Variants in CTNNA3 observed in about 807,000 individuals in gnomAD.
CTNNA3 encodes catenin alpha-3.
Under a neutral mutation model 95.7 loss-of-function variants are expected in CTNNA3, and 76 were observed. That is an observed-to-expected ratio of 0.79 (90% CI 0.66 to 0.96). The LOEUF (loss-of-function observed/expected upper bound fraction) is 0.96, where lower values mean the gene tolerates loss of function less well. CTNNA3 is among the 40% of genes least tolerant of loss of function. The pLI is 0.00. For missense variants in CTNNA3, 1,191 were observed against 1,089.8 expected, an observed-to-expected ratio of 1.09 and a Z score of -1.31; for synonymous variants, 431 against 374.4, an observed-to-expected ratio of 1.15 and a Z score of -1.74.
chr10:66,184,465 C>T (rs2086224870), intron 13 of CTNNA3, among the ~76,000 whole-genome samples: 1 of 152,136 alleles, frequency 6.6e-6, no homozygotes, highest in African/African-American at 2.4e-5. Context: ...AATCTAGAAT[C>T]TACTGTTGTA....
chr10:66,652,118 A>C (rs1173795216), intron 9 of CTNNA3, among the ~76,000 whole-genome samples: 1 of 135,162 alleles, frequency 7.4e-6, no homozygotes, highest in Non-Finnish European at 1.6e-5. Flanking sequence ...AAAAAAAAAA[A>C]ACTAAGCCCA....
intron 15 of CTNNA3, among the ~76,000 whole-genome samples, chr10:66,036,461 T>C (rs1993847): frequency 0.78 from 117,915 of 152,078 alleles, 46,181 homozygotes; most frequent in South Asian, 0.91. Context: ...GCAGCCTCTG[T>C]CTCCTGGGTT....
intron 7 of CTNNA3, among the ~76,000 whole-genome samples, chr10:67,133,325 T>TATATATATATATATATATATATTTA (rs1860120432): frequency 2.5e-5 from 1 of 39,314 alleles, no homozygotes; most frequent in Non-Finnish European, 4.4e-5. Flanking sequence ...ATATATATAT[T>TATATATATATATATATATATATTTA]TATACACACA....
intron 7 of CTNNA3, among the ~76,000 whole-genome samples, chr10:66,843,476 A>C (rs879584986): frequency 6.6e-6 from 1 of 152,200 alleles, no homozygotes; most frequent in Non-Finnish European, 1.5e-5. Flanking sequence ...ATCATCACTC[A>C]AACAGATGAT....
chr10:67,446,974 G>A (rs1007508468), intron 5 of CTNNA3, among the ~76,000 whole-genome samples: 33 of 152,190 alleles, frequency 2.2e-4, no homozygotes, highest in African/African-American at 7.2e-4. Flanking sequence ...GCGTGGTGGC[G>A]GGCGCCTGTA....
chr10:66,451,261 T>A (rs1441371646), intron 11 of CTNNA3, among the ~76,000 whole-genome samples: 1 of 152,176 alleles, frequency 6.6e-6, no homozygotes, highest in Non-Finnish European at 1.5e-5. Flanking sequence ...TAGTGAACAG[T>A]TACTATGTGC....
At chr10:66,524,017 T>C (rs543413746) in intron 10 of CTNNA3, among the ~76,000 whole-genome samples, 7 of 152,272 alleles carry the variant, frequency 4.6e-5, no homozygotes, top group Middle Eastern at 3.4e-3. Context: ...GCCACAGTTT[T>C]AAGCTCCATT....
At chr10:67,051,818 C>A (rs1465886671) in intron 7 of CTNNA3, among the ~76,000 whole-genome samples, 1 of 150,572 alleles carries the variant, frequency 6.6e-6, no homozygotes, top group African/African-American at 2.5e-5. Flanking sequence ...GCAGTGGCAC[C>A]ATCTCGGCTC....
chr10:66,844,776 A>G (rs1274012833), intron 7 of CTNNA3, among the ~76,000 whole-genome samples: 3 of 152,186 alleles, frequency 2.0e-5, no homozygotes, highest in Non-Finnish European at 2.9e-5. Context: ...CTGGTAGTAG[A>G]ACAGGGACTA....
chr10:66,306,378 T>C (rs568132738), intron 12 of CTNNA3, among the ~76,000 whole-genome samples: 65 of 152,326 alleles, frequency 4.3e-4, no homozygotes, highest in African/African-American at 1.5e-3. Flanking sequence ...GCCACAAATT[T>C]ATAGTATCTT....
chr10:66,009,300 G>C (rs1313246137), intron 15 of CTNNA3, among the ~76,000 whole-genome samples: 5 of 152,040 alleles, frequency 3.3e-5, no homozygotes, highest in Non-Finnish European at 7.4e-5. Context: ...TTAATCCATA[G>C]TTTATTTTAT....
chr10:66,233,823 G>A (rs2089717977), intron 13 of CTNNA3, among the ~76,000 whole-genome samples: 2 of 151,924 alleles, frequency 1.3e-5, no homozygotes, highest in African/African-American at 4.8e-5. Context: ...AATTGAAAAT[G>A]TACTTAAATG....
At chr10:65,955,481 T>C (rs1412392338) in intron 17 of CTNNA3, among the ~76,000 whole-genome samples, 3 of 152,220 alleles carry the variant, frequency 2.0e-5, no homozygotes, top group African/African-American at 7.2e-5. Flanking sequence ...TCAAAGGGAA[T>C]GCTTCCAGTT....
intron 5 of CTNNA3, among the ~76,000 whole-genome samples, chr10:67,232,685 T>A (rs1283429625): frequency 1.3e-5 from 2 of 151,578 alleles, no homozygotes; most frequent in Non-Finnish European, 2.9e-5. Flanking sequence ...GTAAATGGAC[T>A]AAATGCTCCA....
rs553269299 is a variant in CTNNA3 at position 67,514,331 on chromosome 10, G to T, written c.579+7511C>A. Among the ~76,000 whole-genome samples the T allele has an allele frequency of 2.8e-3, 428 of 152,070 alleles. 4 individuals are homozygous for T. The highest frequency in any genetic ancestry group is 2.5e-3 in the Non-Finnish European group (167 of 67,968). On this transcript the variant is annotated intron_variant, in intron 5 of 17. Coordinates refer to ENST00000433211, the MANE Select transcript of CTNNA3 (RefSeq NM_013266.4). ...AAAATAAAATAAAATAAAACAGTTA[G>T]GTTAGATGAATTCTAAAGATTCTTT...
chr10:66,854,743 A>ATT (rs34752190), intron 7 of CTNNA3, among the ~76,000 whole-genome samples: 216 of 147,956 alleles, frequency 1.5e-3, no homozygotes, highest in African/African-American at 2.9e-3. Context: ...AGAAAATGTC[A>ATT]TTTTTTTTTT....
rs77831920 is a variant in CTNNA3 at position 66,863,999 on chromosome 10, A to T, written c.1048-88475T>A. Among the ~76,000 whole-genome samples the T allele has an allele frequency of 7.2e-5, 11 of 152,266 alleles. No homozygotes were observed. The East Asian group carries it at 2.1e-3, about 29-fold the overall frequency. On this transcript the variant is annotated intron_variant, in intron 7 of 17. Transcript: ENST00000433211. ...TTATTTTGTGTCAATTTCTACCAAA[A>T]TCCTACCAAATCATAAGCTGCTTTA... is the stretch of plus-strand genomic sequence containing the variant.
chr10:66,092,246 A>G (rs1331617305), intron 14 of CTNNA3, among the ~76,000 whole-genome samples: 4 of 151,962 alleles, frequency 2.6e-5, no homozygotes, highest in East Asian at 1.9e-4. Context: ...TTTCACCAAA[A>G]TAATAGCAAT....
At chr10:67,358,312 T>A (rs912744429) in intron 5 of CTNNA3, among the ~76,000 whole-genome samples, 1 of 152,004 alleles carries the variant, frequency 6.6e-6, no homozygotes, top group Non-Finnish European at 1.5e-5. Context: ...CAAAAGACAC[T>A]ATTACAAAAA....
Sources: gnomAD v4.1 joint callset for allele counts (sites outside exome capture counted in the v4.1 genomes callset) on GRCh38, gnomAD v4.1.1 for gene constraint, MANE v1.5 for transcripts, NCBI Gene and HGNC (gene_info 2026-07-23, HGNC 2026-07-21) for gene names.